The following VENTX variants were observed in gnomAD, a reference collection of about 807,000 sequenced individuals.
VENTX encodes the protein homeobox protein VENTX.
Under a neutral mutation model 10.5 loss-of-function variants are expected in VENTX, and 13 were observed. The ratio of observed to expected loss-of-function variants is 1.23; its 90% CI spans 0.80 to 1.96. The LOEUF is 1.96. VENTX is among the 30% of genes most tolerant of loss of function. The probability of loss-of-function intolerance (pLI) is 0.00; values close to 1 mark genes in which losing one functional copy is unlikely to be tolerated. For missense variants in VENTX, 400 were observed against 341.8 expected, an observed-to-expected ratio of 1.17 and a Z score of -1.34; for synonymous variants, 177 against 150.4, an observed-to-expected ratio of 1.18 and a Z score of -1.29.
In VENTX at chr10:133,238,137, C is replaced by T; in HGVS notation, c.223C>T (p.Pro75Ser). ...EAAGSSNLPA[P>S]ERTMAGLSKE... is the part of the protein sequence containing the mutation. The stretch of plus-strand genomic sequence containing the variant: ...CGCCGGGTCCTCAAATCTGCCTGCG[C>T]CGGAGAGGACCATGGCCGGTAGGTC... The change falls in exon 1 of 3, where the codon CCG (proline) becomes TCG (serine). Residue 75 changes from proline to serine, a missense_variant. Pro to Ser is a moderately conservative substitution (Grantham distance 74). Transcript: ENST00000325980. 3 of 1,601,728 alleles carry T rather than the reference C, an allele frequency of 1.9e-6. No homozygotes were observed. The highest frequency in any genetic ancestry group is 2.6e-6 in the Non-Finnish European group (3 of 1,174,636).
rs1589789048 is a variant in VENTX at position 133,239,940 on chromosome 10, C to T, written c.411C>T (p.Thr137=). 6.2e-7 allele frequency: 1 copy of T among 1,612,036 alleles called. No individual in the cohort carries two copies. Among genetic ancestry groups the T allele is most frequent in the Non-Finnish European group, 8.5e-7 (1 of 1,179,482 alleles). The change falls in exon 3 of 3, where the codon ACC becomes ACT. Residue 137 remains threonine (T), a synonymous_variant. Transcript: ENST00000325980. ...TCTTGCTTTTCCTACAGATAAAAAC[C>T]TGGTTTCAGAATCGCCGCATGAAAC... ...EMQLSEVQIK[T]WFQNRRMKHK...
chr10:133,238,456 C>T (rs1468941588), intron 1 of VENTX, among the ~76,000 whole-genome samples: 2 of 152,158 alleles, frequency 1.3e-5, no homozygotes, highest in Admixed American at 1.3e-4. Flanking sequence ...GCCGAGGGAC[C>T]GTCCAAGGGG....
In VENTX at chr10:133,239,707, C is replaced by CT; in HGVS notation, c.273_274insT (p.Pro92SerfsTer173). The CT allele has an allele frequency of 1.9e-6, 3 of 1,611,106 alleles. No homozygotes were observed. The highest frequency in any genetic ancestry group is 2.5e-6 in the Non-Finnish European group (3 of 1,180,004). On this transcript the variant is annotated frameshift_variant, in exon 2 of 3. Coordinates refer to ENST00000325980, the MANE Select transcript of VENTX (RefSeq NM_014468.4). LOFTEE classifies it high-confidence loss of function. ...GTAAGGAGCCAAATACCTTGCGGGCCCCCCGTGTCCGCACAGCCTTCACCA... is the reference window on the plus strand; with the variant it reads ...GTAAGGAGCCAAATACCTTGCGGGCCTCCCCGTGTCCGCACAGCCTTCACCA...
chr10:133,238,253 C>T (rs930967557), intron 1 of VENTX, 98 bp downstream of exon 1: 3 of 1,421,974 alleles, frequency 2.1e-6, no homozygotes, highest in African/African-American at 1.4e-5. Context: ...GGTGCCCTGC[C>T]CACTAGGTCA....
At chr10:133,238,371 C>A (rs1162746137) in intron 1 of VENTX, among the ~76,000 whole-genome samples, 3 of 152,198 alleles carry the variant, frequency 2.0e-5, no homozygotes, top group Admixed American at 6.5e-5. Flanking sequence ...TCTCCTTGAG[C>A]CCCCGGTGGG....
intron 1 of VENTX, among the ~76,000 whole-genome samples, chr10:133,238,486 G>A (rs1201401122): frequency 2.0e-5 from 3 of 152,122 alleles, no homozygotes; most frequent in Non-Finnish European, 4.4e-5. Context: ...GCACCTCCCT[G>A]CCCTGATTCC....
rs910891603 is a variant in VENTX, at chr10:133,240,507, T to C, written c.*201T>C. ...ACACATATACGTATATATAAATATA[T>C]ATATACATATGTGTGTGTATATATA... On this transcript the variant is annotated 3_prime_UTR_variant, in exon 3 of 3. Transcript: ENST00000325980. 1.4e-4 allele frequency: 25 copies of C among 173,168 alleles called. No homozygotes were observed. Among genetic ancestry groups the C allele is most frequent in the Non-Finnish European group, 5.4e-5 (5 of 91,924 alleles). The allele number at this position is 173,168 out of a possible 1,614,324, so 10.7% of individuals were successfully genotyped here. A position where few individuals can be genotyped will look rare whatever the true frequency, so the allele number is the denominator to read the frequency against.
intron 1 of VENTX, 140 bp from the exon 2 acceptor site, chr10:133,239,536 G>C (rs1589788719): frequency 1.0e-6 from 1 of 1,002,784 alleles, no homozygotes; most frequent in African/African-American, 1.6e-5. Context: ...GGAGGCGGCG[G>C]GGGTGCTGCT....
rs756769898 is a variant in VENTX, at chr10:133,238,018, C to G, written c.104C>G (p.Pro35Arg). The change falls in exon 1 of 3, where the codon CCC becomes CGC. Residue 35 changes from proline (P) to arginine (R), a missense_variant. Coordinates refer to ENST00000325980, the MANE Select transcript of VENTX (RefSeq NM_014468.4). ...AGCTGCTCAGGGCCGACCCACACCCCCAGGCCTGCCGACTTCTCCCTGGGG... is the reference window on the plus strand; with the variant it reads ...AGCTGCTCAGGGCCGACCCACACCCGCAGGCCTGCCGACTTCTCCCTGGGG... ...QSSCSGPTHT[P>R]RPADFSLGSL... The G allele has an allele frequency of 3.1e-6, 5 of 1,600,648 alleles. No homozygotes were observed. The highest frequency in any genetic ancestry group is 4.3e-4 in the Middle Eastern group (2 of 4,704).
In VENTX at chr10:133,240,254, C is replaced by T; in HGVS notation, c.725C>T (p.Ser242Phe). The change falls in exon 3 of 3, where the codon TCC becomes TTC. Residue 242 changes from serine to phenylalanine, a missense_variant. Coordinates refer to ENST00000325980, the MANE Select transcript of VENTX (RefSeq NM_014468.4). ...CGGCCTTCGCTGGGACCAGCCCTGT[C>T]CACGGGGCCCCGGGGCCTGTGTGCT... ...PGRPSLGPAL[S>F]TGPRGLCAMP... The T allele has an allele frequency of 6.2e-7, 1 of 1,608,120 alleles. No individual in the cohort carries two copies. Among genetic ancestry groups the T allele is most frequent in the Non-Finnish European group, 8.5e-7 (1 of 1,177,096 alleles).
chr10:133,239,340 A>G (rs1845895461), intron 1 of VENTX, among the ~76,000 whole-genome samples: 1 of 152,198 alleles, frequency 6.6e-6, no homozygotes, highest in South Asian at 2.1e-4. Flanking sequence ...GCCTTTGCAT[A>G]TAATGGATTC....
At position 133,237,899 on chromosome 10, in the gene VENTX, G is replaced by A. The variant is rs759283648; in HGVS notation, c.-16G>A. ...GCCAGCCCCGCCTGGCCTTCCCTCC[G>A]GCCCACCTGGCCGCCATGCGCCTCT... On this transcript the variant is annotated 5_prime_UTR_variant, in exon 1 of 3. Coordinates refer to ENST00000325980, the MANE Select transcript of VENTX (RefSeq NM_014468.4). The A allele has an allele frequency of 1.3e-6, 2 of 1,567,996 alleles. No individual in the cohort carries two copies. The highest frequency in any genetic ancestry group is 1.7e-6 in the Non-Finnish European group (2 of 1,162,696).
intron 1 of VENTX, 140 bp downstream of exon 1, chr10:133,238,295 A>AGGCCTTGCCGGCGCC (rs1845881340): frequency 8.7e-7 from 1 of 1,155,962 alleles, no homozygotes; most frequent in Non-Finnish European, 1.2e-6. Context: ...GGGCCGGCGG[A>AGGCCTTGCCGGCGCC]GGCCTTGCCG....
chr10:133,238,905 C>T (rs1238394002), intron 1 of VENTX, among the ~76,000 whole-genome samples: 1 of 152,188 alleles, frequency 6.6e-6, no homozygotes, highest in Non-Finnish European at 1.5e-5. Flanking sequence ...GTATTCTCCC[C>T]AGCTAGCTAT....
rs193008266 is a variant in VENTX, at chr10:133,238,207, G to C, written c.241+52G>C. On this transcript the variant is annotated intron_variant, in intron 1 of 2. Transcript: ENST00000325980. ...CCTTCCCAGGTGGAGATGGGAGTGG[G>C]GGAGAGGCCAGGAGCCCGGCGGCTG... The C allele has an allele frequency of 9.0e-4, 1,377 of 1,525,298 alleles. 15 individuals carry two copies. The East Asian group carries it at 0.015, about 17-fold the overall frequency. The allele number at this position is 1,525,298 out of a possible 1,614,324, so 94.5% of individuals were successfully genotyped here.
intron 1 of VENTX, among the ~76,000 whole-genome samples, chr10:133,239,339 T>C (rs1473755241): frequency 6.6e-6 from 1 of 152,178 alleles, no homozygotes; most frequent in East Asian, 1.9e-4. Flanking sequence ...GGCCTTTGCA[T>C]ATAATGGATT....
At chr10:133,239,133 C>T (rs546913149) in intron 1 of VENTX, among the ~76,000 whole-genome samples, 118 of 152,368 alleles carry the variant, frequency 7.7e-4, no homozygotes, top group African/African-American at 2.8e-3. Flanking sequence ...CGATTGGCCA[C>T]GTTGGCCTTT....
In VENTX at chr10:133,238,253, C is replaced by A. The variant is rs930967557; in HGVS notation, c.241+98C>A. On this transcript the variant is annotated intron_variant, in intron 1 of 2. Coordinates refer to ENST00000325980, the MANE Select transcript of VENTX (RefSeq NM_014468.4). ...GGCTGCACTCCCCGCGGTGCCCTGCCCACTAGGTCAGGGCCGGGGGCGTTT... is the reference window on the plus strand; with the variant it reads ...GGCTGCACTCCCCGCGGTGCCCTGCACACTAGGTCAGGGCCGGGGGCGTTT... The A allele has an allele frequency of 2.8e-6, 4 of 1,421,974 alleles. No homozygotes were observed. In the Admixed American group the frequency reaches 1.1e-4, roughly 38 times the overall value. 88.1% of individuals were successfully genotyped at this position (1,421,974 alleles called of 1,614,324 possible).
In VENTX at chr10:133,240,538, ATTTTTTT is replaced by A. The variant is rs869069272; in HGVS notation, c.*249_*255del. The A allele has an allele frequency of 1.9e-4, 24 of 124,458 alleles. No homozygotes were observed. Among genetic ancestry groups the A allele is most frequent in the South Asian group, 1.2e-3 (5 of 4,026 alleles). The allele number at this position is 124,458 out of a possible 1,614,324, so 7.7% of individuals were successfully genotyped here. ...CATATGTGTGTGTATATATATATAT[ATTTTTTT>A]TTTTTTTTTTTTTTTTGAGACGGAG... On this transcript the variant is annotated 3_prime_UTR_variant, in exon 3 of 3. Transcript: ENST00000325980.
Sources: allele counts gnomAD v4.1 joint callset (sites outside exome capture counted in the v4.1 genomes callset), GRCh38; gene constraint gnomAD v4.1.1; transcripts MANE v1.5; gene names NCBI Gene and HGNC (gene_info 2026-07-23, HGNC 2026-07-21).